Variants in THADA observed in about 807,000 individuals in gnomAD.
The protein encoded by THADA is THADA armadillo repeat containing, also known as tRNA (32-2'-O)-methyltransferase regulator THADA.
A neutral mutation model predicts 219.8 loss-of-function variants in THADA; 213 were observed. That is an observed-to-expected ratio of 0.97 (90% confidence interval 0.87 to 1.09). The LOEUF (loss-of-function observed/expected upper bound fraction) is 1.09. Among genes scored for constraint, THADA ranks in the 50% least tolerant of loss-of-function variants. The pLI is 0.00. For synonymous variants in THADA, 1,018 were observed against 828.9 expected (o/e 1.23, Z -3.92); for missense variants, 2,956 against 2,311.3 (o/e 1.28, Z -5.72).
chr2:43,418,438 C>T (rs1677284079), intron 28 of THADA, among the ~76,000 whole-genome samples: 1 of 151,908 alleles, frequency 6.6e-6, no homozygotes, highest in Non-Finnish European at 1.5e-5. Flanking sequence ...CACCCTGAGT[C>T]CTGATTCTGA....
intron 26 of THADA, among the ~76,000 whole-genome samples, chr2:43,455,009 C>G (rs962002604): frequency 2.0e-5 from 3 of 152,036 alleles, no homozygotes; most frequent in African/African-American, 7.2e-5. Context: ...TGTACTAGGA[C>G]TCATGTTCTT....
In THADA at chr2:43,592,001, T is replaced by C. The variant is rs781732522; in HGVS notation, c.122A>G (p.His41Arg). Residue 41 changes from histidine (H) to arginine (R), a missense_variant, in exon 3 of 38, where the codon CAT (histidine) becomes CGT (arginine). By Grantham distance (29) the His-to-Arg change is conservative (BLOSUM62 0). Transcript: ENST00000405975. ...EGKNLASLLL[H>R]CVQLTDGVSQ... ...CACTCCATCCGTGAGTTGCACACAA[T>C]GTAACAGCAAAGAAGCTAGATTTTT... is the stretch of plus-strand genomic sequence containing the variant. The C allele has an allele frequency of 7.0e-6, 11 of 1,564,098 alleles. No individual in the cohort carries two copies. The highest frequency in any genetic ancestry group is 4.8e-5 in the South Asian group (4 of 84,104).
chr2:43,425,446 A>ATGTGTGTGTGTGTGTGTGTGTG (rs70963396), intron 28 of THADA, among the ~76,000 whole-genome samples: 1 of 140,410 alleles, frequency 7.1e-6, no homozygotes, highest in Non-Finnish European at 1.5e-5. Context: ...TTAAAATTGT[A>ATGTGTGTGTGTGTGTGTGTGTG]TGTGTGTGTG....
At chr2:43,576,419 G>C (rs1181353565) in intron 10 of THADA, among the ~76,000 whole-genome samples, 2 of 152,118 alleles carry the variant, frequency 1.3e-5, no homozygotes, top group East Asian at 3.9e-4. Context: ...TAGCAATATG[G>C]TCTCAGGTAA....
intron 36 of THADA, among the ~76,000 whole-genome samples, chr2:43,269,414 C>T (rs182390421): frequency 6.6e-6 from 1 of 152,312 alleles, no homozygotes; most frequent in African/African-American, 2.4e-5. Flanking sequence ...GCAACCAGGC[C>T]CAGCCAGGGT....
intron 36 of THADA, among the ~76,000 whole-genome samples, chr2:43,264,320 T>C (rs1671285941): frequency 6.6e-6 from 1 of 151,654 alleles, no homozygotes; most frequent in African/African-American, 2.4e-5. Context: ...TGTTTTGCTC[T>C]TGTTGCCCGG....
intron 36 of THADA, among the ~76,000 whole-genome samples, chr2:43,259,074 T>C (rs1670657625): frequency 6.6e-6 from 1 of 152,154 alleles, no homozygotes; most frequent in Non-Finnish European, 1.5e-5. Context: ...AAAATCTTAA[T>C]GTCAACTGCT....
intron 25 of THADA, among the ~76,000 whole-genome samples, chr2:43,489,868 G>T (rs965425472): frequency 2.5e-5 from 2 of 80,288 alleles, no homozygotes; most frequent in Admixed American, 1.3e-4. Context: ...TGTATTTTAA[G>T]ATCTGCAAAA....
At position 43,524,953 on chromosome 2, in the gene THADA, CA is replaced by C. The variant is rs539598880; in HGVS notation, c.3374+2925del. Among the ~76,000 whole-genome samples, 30 of 152,244 alleles carry C rather than the reference CA, an allele frequency of 2.0e-4. No homozygotes were observed. The South Asian group carries it at 5.8e-3, about 29-fold the overall frequency. ...TCTTTTTTCCTTTCATGCTCTCCACCAAAGACTGCAATCTTACTATGATATT... is the reference window on the plus strand; with the variant it reads ...TCTTTTTTCCTTTCATGCTCTCCACCAAGACTGCAATCTTACTATGATATT... On this transcript the variant is annotated intron_variant, in intron 22 of 37. Transcript: ENST00000405975.
intron 29 of THADA, among the ~76,000 whole-genome samples, chr2:43,397,284 G>C (rs1674185696): frequency 6.6e-6 from 1 of 152,004 alleles, no homozygotes; most frequent in South Asian, 2.1e-4. Context: ...ACCCCTAACC[G>C]CATGCCTATA....
chr2:43,543,412 A>C (rs1278109585), intron 20 of THADA, among the ~76,000 whole-genome samples: 2 of 151,192 alleles, frequency 1.3e-5, no homozygotes, highest in African/African-American at 4.9e-5. Context: ...GCTGGCTCAA[A>C]TGGTATTTCT....
intron 4 of THADA, among the ~76,000 whole-genome samples, chr2:43,589,473 T>C (rs1385439968): frequency 6.6e-6 from 1 of 152,228 alleles, no homozygotes; most frequent in Non-Finnish European, 1.5e-5. Flanking sequence ...TGGAGAGTTG[T>C]TACTTAATGT....
chr2:43,354,257 C>A (rs1668623791), intron 29 of THADA, among the ~76,000 whole-genome samples: 2 of 151,926 alleles, frequency 1.3e-5, no homozygotes, highest in African/African-American at 4.8e-5. Context: ...TGCCTGGCTA[C>A]ATTTTATTTT....
At chr2:43,235,614 T>G (rs1263772595) in intron 36 of THADA, among the ~76,000 whole-genome samples, 1 of 151,990 alleles carries the variant, frequency 6.6e-6, no homozygotes, top group South Asian at 2.1e-4. Context: ...TTTTATGGTC[T>G]CCTTAAGGCA....
chr2:43,505,055 C>A (rs1430324758), intron 24 of THADA, among the ~76,000 whole-genome samples: 3 of 152,012 alleles, frequency 2.0e-5, no homozygotes, highest in South Asian at 4.1e-4. Context: ...CTAAAAGGAA[C>A]TAAATGCTAG....
intron 28 of THADA, among the ~76,000 whole-genome samples, chr2:43,417,940 A>G (rs1191323835): frequency 2.0e-5 from 3 of 152,224 alleles, no homozygotes; most frequent in African/African-American, 7.2e-5. Context: ...AATATGTGTA[A>G]AGTCCTAAAA....
intron 36 of THADA, among the ~76,000 whole-genome samples, chr2:43,269,853 G>A (rs1341980267): frequency 6.6e-6 from 1 of 152,162 alleles, no homozygotes; most frequent in East Asian, 1.9e-4. Flanking sequence ...GCTACGGAGA[G>A]AGGCCCAGAG....
chr2:43,574,990 T>G lies in THADA; in HGVS notation c.1075A>C (p.Ile359Leu), dbSNP rs769289194. The change falls in exon 11 of 38, where the codon ATC (isoleucine) becomes CTC (leucine). Residue 359 changes from isoleucine (I) to leucine (L), a missense_variant. Transcript: ENST00000405975. ...EPTLEMFLSRILASWTNSAIQ... is the reference protein window; with the variant it reads ...EPTLEMFLSRLLASWTNSAIQ... Reference sequence around the variant, plus strand: ...GCTGAATTAGTCCAGGATGCTAAGATTCTAGACAGAAACATTTCCAGCGTT... The same window carrying G: ...GCTGAATTAGTCCAGGATGCTAAGAGTCTAGACAGAAACATTTCCAGCGTT... 6 of 1,613,222 alleles carry G rather than the reference T, an allele frequency of 3.7e-6. No individual in the cohort carries two copies. The highest frequency in any genetic ancestry group is 5.1e-6 in the Non-Finnish European group (6 of 1,179,540).
At chr2:43,325,297 G>T (rs1679195940) in intron 30 of THADA, among the ~76,000 whole-genome samples, 1 of 138,946 alleles carries the variant, frequency 7.2e-6, no homozygotes, top group African/African-American at 2.9e-5. Flanking sequence ...AGTGGCTGCA[G>T]GTTTTTTTTT....
Sources: gnomAD v4.1 joint callset for allele counts (sites outside exome capture counted in the v4.1 genomes callset) on GRCh38, gnomAD v4.1.1 for gene constraint, MANE v1.5 for transcripts, NCBI Gene and HGNC (gene_info 2026-07-23, HGNC 2026-07-21) for gene names.